Variants in MACROD2 observed in about 807,000 individuals in gnomAD.
MACROD2 encodes mono-ADP ribosylhydrolase 2, also known as ADP-ribose glycohydrolase MACROD2.
Under a neutral mutation model 70.4 loss-of-function variants are expected in MACROD2, and 36 were observed. That is an observed-to-expected ratio of 0.51 (90% CI 0.39 to 0.68). The LOEUF is 0.68. Ranked by LOEUF, MACROD2 falls within the 30% of genes least tolerant of loss-of-function variation. MACROD2 has a pLI of 0.00. For missense variants in MACROD2, 496 were observed against 538.4 expected (o/e 0.92, Z 0.78); for synonymous variants, 172 against 178.8 (o/e 0.96, Z 0.30).
intron 8 of MACROD2, among the ~76,000 whole-genome samples, chr20:15,712,432 G>C (rs1774988076): frequency 6.6e-6 from 1 of 152,110 alleles, no homozygotes; most frequent in African/African-American, 2.4e-5. Context: ...TGTGGCCAAG[G>C]GTTCCACTGC....
chr20:15,886,388 C>T (rs1274092157), intron 10 of MACROD2, among the ~76,000 whole-genome samples: 1 of 152,132 alleles, frequency 6.6e-6, no homozygotes, highest in African/African-American at 2.4e-5. Flanking sequence ...ACACTGTATT[C>T]TCAGGCTTAG....
chr20:15,157,148 G>T (rs947384184), intron 5 of MACROD2, among the ~76,000 whole-genome samples: 5 of 152,190 alleles, frequency 3.3e-5, no homozygotes, highest in Admixed American at 3.3e-4. Flanking sequence ...TATTTTTCAG[G>T]GTTCTGGAGG....
At chr20:16,015,625 G>T (rs1222071124) in intron 15 of MACROD2, among the ~76,000 whole-genome samples, 1 of 152,176 alleles carries the variant, frequency 6.6e-6, no homozygotes, top group Non-Finnish European at 1.5e-5. Flanking sequence ...TCCTTACAAT[G>T]AGTCTTTCTT....
intron 8 of MACROD2, among the ~76,000 whole-genome samples, chr20:15,696,062 A>G (rs12625717): frequency 0.23 from 34,436 of 152,054 alleles, 5,991 homozygotes; most frequent in African/African-American, 0.49. Context: ...TGCTCCCTCT[A>G]GGACTTCCAG....
chr20:15,031,459 A>G (rs1015707092), intron 5 of MACROD2, among the ~76,000 whole-genome samples: 1 of 152,088 alleles, frequency 6.6e-6, no homozygotes, highest in Non-Finnish European at 1.5e-5. Flanking sequence ...AGGTGAGCAA[A>G]ATGGAGAGGC....
chr20:13,998,830 C>T (rs970581135), intron 1 of MACROD2, among the ~76,000 whole-genome samples: 2 of 151,978 alleles, frequency 1.3e-5, no homozygotes, highest in Non-Finnish European at 2.9e-5. Flanking sequence ...TGGCACACGC[C>T]TGTAATCCCA....
intron 7 of MACROD2, among the ~76,000 whole-genome samples, chr20:15,477,202 G>T (rs1055801802): frequency 1.4e-5 from 2 of 145,882 alleles, no homozygotes; most frequent in South Asian, 4.5e-4. Flanking sequence ...CTGGGCTCAA[G>T]TGATCCTCCT....
At position 15,045,483 on chromosome 20, in the gene MACROD2, C is replaced by T. The variant is rs140886633; in HGVS notation, c.419-184457C>T. Among the ~76,000 whole-genome samples the T allele has an allele frequency of 3.8e-4, 58 of 152,170 alleles. No individual in the cohort carries two copies. In the East Asian group the frequency reaches 5.6e-3, roughly 15 times the overall value. ...CTTGCAGGCATGTCTCCACGTTGCG[C>T]GGAAAACATGATGTTTAGCTGTTGA... On this transcript the variant is annotated intron_variant, in intron 5 of 17. Transcript: ENST00000684519.
chr20:14,765,658 A>AT (rs1232410428), intron 5 of MACROD2, among the ~76,000 whole-genome samples: 2 of 151,948 alleles, frequency 1.3e-5, no homozygotes, highest in East Asian at 1.9e-4. Flanking sequence ...ACTGGGTTTA[A>AT]TTTTTTTTAA....
At chr20:14,285,809 C>T (rs2327846) in intron 3 of MACROD2, among the ~76,000 whole-genome samples, 25,546 of 151,956 alleles carry the variant, frequency 0.17, 2,549 homozygotes, top group East Asian at 0.26. Flanking sequence ...TTCAGTCCCT[C>T]TCCCACAACT....
intron 5 of MACROD2, among the ~76,000 whole-genome samples, chr20:14,982,916 C>T (rs543303642): frequency 6.6e-6 from 1 of 152,280 alleles, no homozygotes; most frequent in African/African-American, 2.4e-5. Context: ...GATCCACTGA[C>T]AGCTTGTACC....
intron 5 of MACROD2, among the ~76,000 whole-genome samples, chr20:15,095,789 T>G (rs184730850): frequency 6.6e-6 from 1 of 152,152 alleles, no homozygotes; most frequent in Non-Finnish European, 1.5e-5. Flanking sequence ...AGTGCTGGGA[T>G]TACAGGCGTG....
chr20:15,567,698 A>G (rs551645104), intron 8 of MACROD2, among the ~76,000 whole-genome samples: 1 of 152,308 alleles, frequency 6.6e-6, no homozygotes, highest in South Asian at 2.1e-4. Context: ...GTCTGTTTAA[A>G]AGCCAGTCAC....
At chr20:15,418,513 C>T (rs2146336213) in intron 6 of MACROD2, among the ~76,000 whole-genome samples, 1 of 152,300 alleles carries the variant, frequency 6.6e-6, no homozygotes, top group Non-Finnish European at 1.5e-5. Flanking sequence ...CTATTTCTCT[C>T]TGAGACCGTC....
At position 14,940,148 on chromosome 20, in the gene MACROD2, CAAAAAAAAAA is replaced by C. The variant is rs57697517; in HGVS notation, c.418+255208_418+255217del. The stretch of plus-strand genomic sequence containing the variant: ...CAACATATGGAAACCCTCATCTCTG[CAAAAAAAAAA>C]AAAAAAAAAAAAAAAAAATTAAAAA... On this transcript the variant is annotated intron_variant, in intron 5 of 17. Coordinates refer to ENST00000684519, the MANE Select transcript of MACROD2 (RefSeq NM_001351661.2). 9.1e-5 allele frequency among the ~76,000 whole-genome samples: 5 copies of C among 55,108 alleles called. No homozygotes were observed. The Admixed American group carries it at 1.1e-3, about 12-fold the overall frequency. 36.2% of individuals were successfully genotyped at this position (55,108 alleles called of 152,430 possible).
chr20:14,745,553 A>C (rs1471174533), intron 5 of MACROD2, among the ~76,000 whole-genome samples: 1 of 152,198 alleles, frequency 6.6e-6, no homozygotes, highest in Non-Finnish European at 1.5e-5. Flanking sequence ...CAGCCATCCA[A>C]TTCTGGTTCC....
intron 5 of MACROD2, among the ~76,000 whole-genome samples, chr20:14,753,379 A>G (rs934361437): frequency 1.3e-5 from 2 of 152,132 alleles, no homozygotes; most frequent in African/African-American, 4.8e-5. Context: ...GACCTGGTAC[A>G]TAAAATATGT....
chr20:14,585,185 T>C (rs1399224906), intron 4 of MACROD2, among the ~76,000 whole-genome samples: 1 of 152,182 alleles, frequency 6.6e-6, no homozygotes, highest in Non-Finnish European at 1.5e-5. Flanking sequence ...AATTTTTACA[T>C]AGGCGGAACA....
chr20:14,768,382 A>T (rs1184808722), intron 5 of MACROD2, among the ~76,000 whole-genome samples: 1 of 152,148 alleles, frequency 6.6e-6, no homozygotes, highest in Non-Finnish European at 1.5e-5. Context: ...AGAGTATGTG[A>T]ACATTTCCCA....
Sources: allele counts gnomAD v4.1 joint callset (sites outside exome capture counted in the v4.1 genomes callset), GRCh38; gene constraint gnomAD v4.1.1; transcripts MANE v1.5; gene names NCBI Gene and HGNC (gene_info 2026-07-23, HGNC 2026-07-21).